FMNL2: variants seen among roughly 807,000 people sequenced by gnomAD.
FMNL2 encodes the protein formin like 2, also known as formin-like protein 2.
Under a neutral mutation model 130.2 loss-of-function variants are expected in FMNL2, and 51 were observed. The ratio of observed to expected loss-of-function variants is 0.39; its 90% CI spans 0.31 to 0.49. The LOEUF (loss-of-function observed/expected upper bound fraction) is 0.49. Among genes scored for constraint, FMNL2 ranks in the 20% least tolerant of loss-of-function variants. The pLI, the probability that FMNL2 is intolerant of heterozygous loss-of-function variation, is 0.85. For synonymous variants in FMNL2, 465 were observed against 467.1 expected, an observed-to-expected ratio of 1.00 and a Z score of 0.06; for missense variants, 977 against 1,316.2, an observed-to-expected ratio of 0.74 and a Z score of 3.99.
At chr2:152,569,264 T>C (rs964569177) in intron 6 of FMNL2, among the ~76,000 whole-genome samples, 1 of 152,172 alleles carries the variant, frequency 6.6e-6, no homozygotes, top group African/African-American at 2.4e-5. Context: ...GGCAGATCCA[T>C]GAGAGCTGCT....
rs139455025 is a variant in FMNL2 at position 152,601,752 on chromosome 2, C to A, written c.877-5587C>A. Among the ~76,000 whole-genome samples the A allele has an allele frequency of 3.9e-3, 593 of 151,082 alleles. 4 individuals are homozygous for A. Among genetic ancestry groups the A allele is most frequent in the African/African-American group, 0.014 (571 of 40,882 alleles). On this transcript the variant is annotated intron_variant, in intron 9 of 25. Transcript: ENST00000288670. The stretch of plus-strand genomic sequence containing the variant: ...TGGTGTGACCTTGGCTCACTGGAAC[C>A]TTCACCTCCCAGGTTCAAGTGATTC...
intron 1 of FMNL2, among the ~76,000 whole-genome samples, chr2:152,431,816 TAGAC>T (rs1687505525): frequency 1.3e-5 from 2 of 151,482 alleles, no homozygotes; most frequent in African/African-American, 2.4e-5. Context: ...AAATAAAAAA[TAGAC>T]AGACATGGTG....
chr2:152,447,006 A>AT (rs1223493434), intron 1 of FMNL2, among the ~76,000 whole-genome samples: 3 of 152,058 alleles, frequency 2.0e-5, no homozygotes, highest in Non-Finnish European at 4.4e-5. Flanking sequence ...CCCAGTTTAG[A>AT]TTTTTTTAGT....
At chr2:152,515,933 G>A (rs145951011) in intron 1 of FMNL2, among the ~76,000 whole-genome samples, 22 of 152,166 alleles carry the variant, frequency 1.4e-4, no homozygotes, top group Non-Finnish European at 1.8e-4. Context: ...ATTTGCTTTA[G>A]GATTCAAATA....
chr2:152,433,728 T>C (rs538321853), intron 1 of FMNL2, among the ~76,000 whole-genome samples: 34 of 152,310 alleles, frequency 2.2e-4, no homozygotes, highest in African/African-American at 7.7e-4. Context: ...TATTTACTAA[T>C]ATGAGCTGTG....
chr2:152,490,453 T>TTC (rs1210959177), intron 1 of FMNL2, among the ~76,000 whole-genome samples: 1 of 152,126 alleles, frequency 6.6e-6, no homozygotes, highest in Non-Finnish European at 1.5e-5. Flanking sequence ...ACATCGACGT[T>TTC]CCTGGAAATC....
chr2:152,620,818 C>T lies in FMNL2; in HGVS notation c.1837+1100C>T, dbSNP rs894428598. 6.5e-6 allele frequency: 4 copies of T among 613,926 alleles called. No homozygotes were observed. The African/African-American group carries it at 8.0e-5, about 12-fold the overall frequency. 38.0% of individuals were successfully genotyped at this position (613,926 alleles called of 1,614,324 possible). A position where few individuals can be genotyped will look rare whatever the true frequency, so the allele number is the denominator to read the frequency against. ...AGTCACCTAGAATAAATTCACTCCACATCAAATCCATGGTTTTACTTCCAC... is the reference window on the plus strand; with the variant it reads ...AGTCACCTAGAATAAATTCACTCCATATCAAATCCATGGTTTTACTTCCAC... On this transcript the variant is annotated intron_variant, in intron 15 of 25. Transcript: ENST00000288670.
intron 1 of FMNL2, among the ~76,000 whole-genome samples, chr2:152,349,598 C>A (rs1489880659): frequency 6.6e-6 from 1 of 152,160 alleles, no homozygotes; most frequent in Admixed American, 6.6e-5. Context: ...TTGAATGAGT[C>A]CAACTTGTGT....
At chr2:152,607,006 G>GTTTTTTTTT (rs58237890) in intron 9 of FMNL2, among the ~76,000 whole-genome samples, 1 of 84,850 alleles carries the variant, frequency 1.2e-5, no homozygotes, top group Non-Finnish European at 2.4e-5. Context: ...TTTTTTTTTT[G>GTTTTTTTTT]TTTTTTTTTT....
chr2:152,607,253 A>G, intron 9 of FMNL2, 86 bp from the exon 10 acceptor site: 1 of 1,080,128 alleles, frequency 9.3e-7, no homozygotes, highest in Middle Eastern at 2.0e-4. Flanking sequence ...TATTCTGGAA[A>G]TCATTATTAA....
intron 6 of FMNL2, among the ~76,000 whole-genome samples, chr2:152,573,558 G>A (rs1191929649): frequency 6.6e-6 from 1 of 152,190 alleles, no homozygotes; most frequent in African/African-American, 2.4e-5. Context: ...TATCAAGAAA[G>A]GATTAGAGTA....
intron 1 of FMNL2, among the ~76,000 whole-genome samples, chr2:152,484,761 C>A (rs1690724379): frequency 6.6e-6 from 1 of 152,116 alleles, no homozygotes; most frequent in Non-Finnish European, 1.5e-5. Flanking sequence ...GACCCTGTCT[C>A]TAAAACATAA....
At chr2:152,454,687 G>T (rs1688851232) in intron 1 of FMNL2, among the ~76,000 whole-genome samples, 1 of 152,190 alleles carries the variant, frequency 6.6e-6, no homozygotes, top group Non-Finnish European at 1.5e-5. Flanking sequence ...AAGGGATGCT[G>T]GGAGCTCTTC....
chr2:152,626,514 CTCTA>C lies in FMNL2; in HGVS notation c.1963-7_1963-4del, dbSNP rs1681795998. 6.3e-7 allele frequency: 1 copy of C among 1,587,554 alleles called. No individual in the cohort carries two copies. The highest frequency in any genetic ancestry group is 8.6e-7 in the Non-Finnish European group (1 of 1,166,168). ...AATCCAATTTTCCATGGTCATTCCT[CTCTA>C]TCTTAGGATTTAAATGTGGATGAAT... On this transcript the variant is annotated splice_region_variant and splice_polypyrimidine_tract_variant and intron_variant, in intron 16 of 25. Transcript: ENST00000288670.
In FMNL2 at chr2:152,640,040, A is replaced by G. The variant is rs765808357; in HGVS notation, c.3029A>G (p.Glu1010Gly). The change falls in exon 24 of 26, where the codon GAG becomes GGG. Residue 1010 changes from glutamate to glycine, a missense_variant. Physicochemically the swap from Glu to Gly is moderately conservative, Grantham distance 98 (BLOSUM62 -2). Around this residue, in one of 4 missense-constraint regions of FMNL2, gnomAD observed 168 missense variants for 168.8 expected, o/e 1.00. Transcript: ENST00000288670. ...EKLLEQEALM[E>G]QQDPKSPSHK... ...CTCCTAGAGCAAGAAGCTCTGATGG[A>G]GCAGCAGGATCCAAAGGTAAGAAGT... The G allele has an allele frequency of 3.2e-6, 5 of 1,553,242 alleles. No homozygotes were observed. In the South Asian group the frequency reaches 4.8e-5, roughly 15 times the overall value.
At chr2:152,502,410 G>T (rs1206984327) in intron 1 of FMNL2, among the ~76,000 whole-genome samples, 1 of 152,164 alleles carries the variant, frequency 6.6e-6, no homozygotes, top group African/African-American at 2.4e-5. Context: ...CTTTGGGCCG[G>T]GCGTGGTGGC....
chr2:152,408,581 T>G (rs1012350846), intron 1 of FMNL2, among the ~76,000 whole-genome samples: 18 of 150,632 alleles, frequency 1.2e-4, no homozygotes, highest in East Asian at 9.8e-4. Flanking sequence ...GACTTACGGG[T>G]TTTTTTTTGC....
intron 6 of FMNL2, among the ~76,000 whole-genome samples, chr2:152,562,652 TA>T (rs1695595230): frequency 6.6e-6 from 1 of 152,252 alleles, no homozygotes. Flanking sequence ...CACCTTATTA[TA>T]TTTGCAGTAG....
At chr2:152,621,046 A>G in intron 15 of FMNL2, 1 of 985,426 alleles carries the variant, frequency 1.0e-6, no homozygotes, top group Non-Finnish European at 1.2e-6. Flanking sequence ...GACAAACAAG[A>G]AACCTCATAT....
Sources: gnomAD v4.1 joint callset for allele counts (sites outside exome capture counted in the v4.1 genomes callset) on GRCh38, gnomAD v4.1.1 for gene constraint, gnomAD v4.1.1 regional missense constraint, MANE v1.5 for transcripts, NCBI Gene and HGNC (gene_info 2026-07-23, HGNC 2026-07-21) for gene names.